Variants in ATG3 observed in about 807,000 individuals in gnomAD.
ATG3 encodes the protein ubiquitin-like-conjugating enzyme ATG3.
ATG3 carries 25 observed loss-of-function variants against 50.7 expected under a neutral mutation model. The ratio of observed to expected loss-of-function variants is 0.49; its 90% CI spans 0.36 to 0.69. The LOEUF is 0.69. Ranked by LOEUF, ATG3 falls within the 30% of genes least tolerant of loss-of-function variation. The pLI is 0.00. For missense variants in ATG3, 281 were observed against 376.0 expected, an observed-to-expected ratio of 0.75 and a Z score of 2.09; for synonymous variants, 119 against 125.5, an observed-to-expected ratio of 0.95 and a Z score of 0.34.
At chr3:112,560,676 CAA>C (rs1933833590) in intron 1 of ATG3, among the ~76,000 whole-genome samples, 3 of 151,828 alleles carry the variant, frequency 2.0e-5, no homozygotes, top group African/African-American at 4.8e-5. Flanking sequence ...CAAAACACTC[CAA>C]AAGAGTTATA....
intron 11 of ATG3, 28 bp downstream of exon 11, chr3:112,534,241 C>T (rs1395061557): frequency 6.3e-7 from 1 of 1,594,934 alleles, no homozygotes; most frequent in Middle Eastern, 1.7e-4. Flanking sequence ...GCCATTTTGC[C>T]ACTAATCTTA....
At chr3:112,538,222 CAA>C (rs754341323) in intron 7 of ATG3, 42 bp from the exon 8 acceptor site, 1 of 1,467,218 alleles carries the variant, frequency 6.8e-7, no homozygotes, top group South Asian at 1.3e-5. Flanking sequence ...AGTTCAAGTT[CAA>C]GAAAATTCCC....
At position 112,561,646 on chromosome 3, in the gene ATG3, G is replaced by A. The variant is rs1188584936; in HGVS notation, c.-118C>T. The A allele has an allele frequency of 1.2e-5, 12 of 1,042,402 alleles. No homozygotes were observed. The East Asian group carries it at 1.4e-4, about 12-fold the overall frequency. 64.6% of individuals were successfully genotyped at this position (1,042,402 alleles called of 1,614,324 possible). A position where few individuals can be genotyped will look rare whatever the true frequency, so the allele number is the denominator to read the frequency against. On this transcript the variant is annotated 5_prime_UTR_variant, in exon 1 of 12. Transcript: ENST00000283290. ...GACTCGCATCAGCACCCGGCTGGCAGCACCCGAGGGGACGGGACGCGACGC... is the reference window on the plus strand; with the variant it reads ...GACTCGCATCAGCACCCGGCTGGCAACACCCGAGGGGACGGGACGCGACGC...
intron 5 of ATG3, among the ~76,000 whole-genome samples, chr3:112,545,259 C>T (rs555373632): frequency 4.5e-4 from 68 of 152,280 alleles, no homozygotes; most frequent in African/African-American, 1.6e-3. Flanking sequence ...GGGGCAAATA[C>T]CTCAAAACCT....
At chr3:112,546,880 G>A (rs977908594) in intron 5 of ATG3, among the ~76,000 whole-genome samples, 2 of 152,152 alleles carry the variant, frequency 1.3e-5, no homozygotes, top group Non-Finnish European at 2.9e-5. Flanking sequence ...ACTTTTAAAA[G>A]TTTTTCAATC....
At position 112,532,959 on chromosome 3, in the gene ATG3, TAAGACTACCTG is replaced by T. The variant is rs1000616295; in HGVS notation, c.864-190_864-180del. On this transcript the variant is annotated intron_variant, in intron 11 of 11. Transcript: ENST00000283290. ...TGTGTCTATTTAACATGAGGCTCTT[TAAGACTACCTG>T]ACCACTCATTCGATTATTGAATTTG... The T allele has an allele frequency of 4.0e-6, 5 of 1,264,528 alleles. No individual in the cohort carries two copies. In the African/African-American group the frequency reaches 7.7e-5, roughly 20 times the overall value. The allele number at this position is 1,264,528 out of a possible 1,614,324, so 78.3% of individuals were successfully genotyped here. A position where few individuals can be genotyped will look rare whatever the true frequency, so the allele number is the denominator to read the frequency against.
Position 112,561,668 on chromosome 3 carries a change from A to C in ATG3, c.-140T>G. ...GCAGCACCCGAGGGGACGGGACGCG[A>C]CGCGACGGGACGGGCGGGACGAGGG... On this transcript the variant is annotated 5_prime_UTR_variant, in exon 1 of 12. Coordinates refer to ENST00000283290, the MANE Select transcript of ATG3 (RefSeq NM_022488.5). 1 of 805,002 alleles carries C rather than the reference A, an allele frequency of 1.2e-6. No individual in the cohort carries two copies. The highest frequency in any genetic ancestry group is 1.9e-6 in the Non-Finnish European group (1 of 521,030). The allele number at this position is 805,002 out of a possible 1,614,324, so 49.9% of individuals were successfully genotyped here.
intron 1 of ATG3, 145 bp from the exon 2 acceptor site, chr3:112,558,562 T>C: frequency 1.6e-6 from 1 of 645,046 alleles, no homozygotes; most frequent in Admixed American, 2.8e-5. Flanking sequence ...ATCTATAATC[T>C]ATCTAATCTA....
At chr3:112,537,622 T>C in intron 9 of ATG3, 113 bp downstream of exon 9, 1 of 768,412 alleles carries the variant, frequency 1.3e-6, no homozygotes, top group Non-Finnish European at 1.9e-6. Flanking sequence ...GTAAAACAGA[T>C]GATTTCCAAA....
At chr3:112,557,687 G>C (rs1933728143) in intron 2 of ATG3, among the ~76,000 whole-genome samples, 2 of 152,072 alleles carry the variant, frequency 1.3e-5, no homozygotes, top group South Asian at 2.1e-4. Context: ...AAAATTGAAA[G>C]ATCAGTTAAT....
intron 3 of ATG3, among the ~76,000 whole-genome samples, chr3:112,550,947 G>T (rs1319251288): frequency 5.9e-5 from 9 of 152,174 alleles, no homozygotes; most frequent in Admixed American, 3.9e-4. Flanking sequence ...AGATTAAACA[G>T]ATCAAGTTGC....
chr3:112,558,069 A>G (rs1011320928), intron 2 of ATG3: 5 of 278,756 alleles, frequency 1.8e-5, no homozygotes, highest in Admixed American at 1.5e-4. Context: ...TACAGAGCTT[A>G]CTGCACAGCT....
At chr3:112,539,895 G>A (rs997961352) in intron 7 of ATG3, among the ~76,000 whole-genome samples, 1 of 152,178 alleles carries the variant, frequency 6.6e-6, no homozygotes, top group Non-Finnish European at 1.5e-5. Context: ...TGAAAACAGT[G>A]CTTTACTCGA....
intron 4 of ATG3, among the ~76,000 whole-genome samples, chr3:112,549,185 TA>T (rs781526625): frequency 6.6e-6 from 1 of 152,192 alleles, no homozygotes; most frequent in Non-Finnish European, 1.5e-5. Flanking sequence ...ACCACACTAG[TA>T]AGTTGTTCAT....
intron 4 of ATG3, among the ~76,000 whole-genome samples, chr3:112,549,708 G>A (rs1933475071): frequency 6.7e-6 from 1 of 149,496 alleles, no homozygotes; most frequent in Admixed American, 6.8e-5. Flanking sequence ...TTGGGAGGCT[G>A]AGGCAGGAGA....
At chr3:112,537,596 C>T (rs1467274978) in intron 9 of ATG3, 139 bp downstream of exon 9, 1 of 576,072 alleles carries the variant, frequency 1.7e-6, no homozygotes, top group East Asian at 3.2e-5. Context: ...TCAAGTTCAA[C>T]ATTAATCATA....
intron 2 of ATG3, among the ~76,000 whole-genome samples, chr3:112,553,693 C>A (rs1933588462): frequency 1.3e-5 from 2 of 151,982 alleles, no homozygotes; most frequent in African/African-American, 2.4e-5. Flanking sequence ...TTTAAGGATA[C>A]AAAAATGTAG....
chr3:112,541,691 G>T, intron 7 of ATG3, 112 bp downstream of exon 7: 2 of 872,982 alleles, frequency 2.3e-6, no homozygotes, highest in East Asian at 2.6e-5. Flanking sequence ...ACACTCACTA[G>T]GCTGCTAAAT....
At chr3:112,555,155 G>A (rs565857798) in intron 2 of ATG3, among the ~76,000 whole-genome samples, 1 of 152,022 alleles carries the variant, frequency 6.6e-6, no homozygotes, top group African/African-American at 2.4e-5. Context: ...AGTCCCTATA[G>A]TATCTTCTAT....
Sources: allele counts gnomAD v4.1 joint callset (sites outside exome capture counted in the v4.1 genomes callset), GRCh38; gene constraint gnomAD v4.1.1; transcripts MANE v1.5; gene names NCBI Gene and HGNC (gene_info 2026-07-23, HGNC 2026-07-21).